Variants in GIPC2 observed in about 807,000 individuals in gnomAD.
The protein encoded by GIPC2 is GIPC PDZ domain containing family member 2.
Under a neutral mutation model 30.6 loss-of-function variants are expected in GIPC2, and 30 were observed. That is an observed-to-expected ratio of 0.98 (90% CI 0.73 to 1.33). The LOEUF (loss-of-function observed/expected upper bound fraction) is 1.33, where lower values mean the gene tolerates loss of function less well. GIPC2 is among the 40% of genes most tolerant of loss of function. The probability of loss-of-function intolerance (pLI) is 0.00; values close to 1 mark genes in which losing one functional copy is unlikely to be tolerated. For synonymous variants in GIPC2, 167 were observed against 150.0 expected (o/e 1.11, Z -0.83); for missense variants, 414 against 390.3 (o/e 1.06, Z -0.51).
chr1:78,121,675 CA>C (rs1289462198), intron 4 of GIPC2, among the ~76,000 whole-genome samples: 1 of 151,994 alleles, frequency 6.6e-6, no homozygotes, highest in Non-Finnish European at 1.5e-5. Context: ...TCTGATAGAG[CA>C]AAAAGTGTTT....
intron 5 of GIPC2, 133 bp downstream of exon 5, chr1:78,126,095 A>G (rs958417865): frequency 1.8e-6 from 1 of 550,636 alleles, no homozygotes; most frequent in Admixed American, 3.2e-5. Context: ...TAACAGACAT[A>G]AAGATAAGAA....
Position 78,095,113 on chromosome 1 carries a change from A to G in GIPC2, c.588A>G (p.Ile196Met), listed in dbSNP as rs1473196806. The stretch of plus-strand genomic sequence containing the variant: ...AGGAACTCTTTACTATGAAGTTAAT[A>G]GAACCTAAGAAGGCATTTGGTAAGT... ...KKEELFTMKL[I>M]EPKKAFEIEL... The change falls in exon 3 of 6, where the codon ATA becomes ATG. Residue 196 changes from isoleucine (I) to methionine (M), a missense_variant. By Grantham distance (10) the Ile-to-Met change is conservative. Coordinates refer to ENST00000370759, the MANE Select transcript of GIPC2 (RefSeq NM_017655.6). 1.2e-6 allele frequency: 2 copies of G among 1,612,244 alleles called. No homozygotes were observed. Among genetic ancestry groups the G allele is most frequent in the Non-Finnish European group, 1.7e-6 (2 of 1,178,628 alleles).
At chr1:78,116,069 TG>T (rs1324522893) in intron 3 of GIPC2, among the ~76,000 whole-genome samples, 1 of 152,176 alleles carries the variant, frequency 6.6e-6, no homozygotes, top group African/African-American at 2.4e-5. Flanking sequence ...TCCACATGGC[TG>T]GGGAGGCCTC....
chr1:78,067,388 C>G lies in GIPC2; in HGVS notation c.241-13287C>G, dbSNP rs140390222. Among the ~76,000 whole-genome samples, 686 of 152,250 alleles carry G rather than the reference C, an allele frequency of 4.5e-3. 4 individuals carry two copies. The highest frequency in any genetic ancestry group is 8.8e-3 in the Admixed American group (134 of 15,290). Reference sequence around the variant, plus strand: ...TGGTACAATGGTTCAATAAATGTTACTCCTGTTTTCCTCAAAAAAGATGCT... The same window carrying G: ...TGGTACAATGGTTCAATAAATGTTAGTCCTGTTTTCCTCAAAAAAGATGCT... On this transcript the variant is annotated intron_variant, in intron 1 of 5. Coordinates refer to ENST00000370759, the MANE Select transcript of GIPC2 (RefSeq NM_017655.6).
intron 3 of GIPC2, among the ~76,000 whole-genome samples, chr1:78,104,826 A>T (rs1324213542): frequency 6.6e-6 from 1 of 152,208 alleles, no homozygotes; most frequent in Non-Finnish European, 1.5e-5. Context: ...ATTGCATTTT[A>T]TCTGACAGTG....
intron 2 of GIPC2, among the ~76,000 whole-genome samples, chr1:78,082,521 G>A (rs1238763984): frequency 6.6e-6 from 1 of 152,186 alleles, no homozygotes; most frequent in East Asian, 1.9e-4. Context: ...TTATCCAAGG[G>A]AAGCTCAGGA....
chr1:78,117,730 T>C (rs1662595218), intron 3 of GIPC2, among the ~76,000 whole-genome samples: 1 of 152,156 alleles, frequency 6.6e-6, no homozygotes, highest in African/African-American at 2.4e-5. Flanking sequence ...ACTGCTGCCA[T>C]GTGGAGTCCT....
chr1:78,070,508 G>A (rs1006010506), intron 1 of GIPC2, among the ~76,000 whole-genome samples: 11 of 146,552 alleles, frequency 7.5e-5, no homozygotes, highest in Admixed American at 7.4e-4. Flanking sequence ...AGTGTAAAAA[G>A]ATTGTGGGAG....
At chr1:78,120,219 C>T (rs1662653668) in intron 4 of GIPC2, among the ~76,000 whole-genome samples, 1 of 152,192 alleles carries the variant, frequency 6.6e-6, no homozygotes, top group Admixed American at 6.5e-5. Context: ...GACCGAACTC[C>T]GTATTTCTTC....
chr1:78,069,699 C>G (rs1035202767), intron 1 of GIPC2, among the ~76,000 whole-genome samples: 1 of 152,060 alleles, frequency 6.6e-6, no homozygotes, highest in African/African-American at 2.4e-5. Flanking sequence ...GTCTTGAACT[C>G]CTGACCTCAG....
chr1:78,122,446 ACT>A (rs1662699013), intron 4 of GIPC2, among the ~76,000 whole-genome samples: 1 of 152,284 alleles, frequency 6.6e-6, no homozygotes. Context: ...GGTTTAATTG[ACT>A]CACATTTCCG....
intron 3 of GIPC2, chr1:78,112,521 C>T (rs1179360550): frequency 9.6e-6 from 5 of 518,928 alleles, no homozygotes; most frequent in Non-Finnish European, 1.9e-5. Flanking sequence ...CCCATAGGTG[C>T]TGCTCCATAC....
At chr1:78,121,949 G>A (rs1662691496) in intron 4 of GIPC2, among the ~76,000 whole-genome samples, 1 of 152,178 alleles carries the variant, frequency 6.6e-6, no homozygotes, top group Admixed American at 6.5e-5. Context: ...GGAAAAATGA[G>A]CAGACCTTTA....
At position 78,046,244 on chromosome 1, in the gene GIPC2, C is replaced by A; in HGVS notation, c.150C>A (p.His50Gln). ...RRLVFHAQLA[H>Q]GSATGRVEGF... ...TGGTCTTCCACGCGCAGCTGGCGCA[C>A]GGTAGTGCCACGGGCCGAGTGGAGG... The change falls in exon 1 of 6, where the codon CAC (histidine) becomes CAA (glutamine). Residue 50 changes from histidine (H) to glutamine (Q), a missense_variant. Transcript: ENST00000370759. 1.2e-6 allele frequency: 2 copies of A among 1,608,942 alleles called. No homozygotes were observed. Among genetic ancestry groups the A allele is most frequent in the Non-Finnish European group, 1.7e-6 (2 of 1,178,316 alleles).
chr1:78,078,462 A>C (rs1159268798), intron 1 of GIPC2, among the ~76,000 whole-genome samples: 2 of 152,166 alleles, frequency 1.3e-5, no homozygotes, highest in Non-Finnish European at 2.9e-5. Flanking sequence ...ATGAAGTTCC[A>C]TTCACTGAAA....
chr1:78,103,883 C>A (rs569624828), intron 3 of GIPC2, among the ~76,000 whole-genome samples: 1 of 152,080 alleles, frequency 6.6e-6, no homozygotes, highest in African/African-American at 2.4e-5. Flanking sequence ...GGATCAATGT[C>A]CTGTTCTCAT....
At chr1:78,048,195 T>C (rs897272751) in intron 1 of GIPC2, among the ~76,000 whole-genome samples, 26 of 152,190 alleles carry the variant, frequency 1.7e-4, no homozygotes, top group African/African-American at 6.3e-4. Flanking sequence ...GAGGAGCATG[T>C]GTATTTTGCA....
intron 1 of GIPC2, among the ~76,000 whole-genome samples, chr1:78,063,939 T>G (rs1661454838): frequency 6.6e-6 from 1 of 152,092 alleles, no homozygotes; most frequent in Non-Finnish European, 1.5e-5. Context: ...AATTGATTGT[T>G]TTTGTCTCTT....
chr1:78,075,375 G>A (rs1571489388), intron 1 of GIPC2, among the ~76,000 whole-genome samples: 1 of 152,226 alleles, frequency 6.6e-6, no homozygotes, highest in Non-Finnish European at 1.5e-5. Flanking sequence ...AGGATCACTT[G>A]AGCCTGGGGG....
Sources: allele counts gnomAD v4.1 joint callset (sites outside exome capture counted in the v4.1 genomes callset), GRCh38; gene constraint gnomAD v4.1.1; transcripts MANE v1.5; gene names NCBI Gene and HGNC (gene_info 2026-07-23, HGNC 2026-07-21).